PEMT: variants seen among roughly 807,000 people sequenced by gnomAD.
PEMT encodes the protein phospholipid methyltransferase.
A neutral mutation model predicts 27.4 loss-of-function variants in PEMT; 23 were observed. The observed-to-expected ratio is 0.84, with a 90% CI of 0.60 to 1.19. PEMT has a LOEUF of 1.19. Among genes scored for constraint, PEMT ranks in the 50% most tolerant of loss-of-function variants. The probability of loss-of-function intolerance (pLI) is 0.00; values close to 1 mark genes in which losing one functional copy is unlikely to be tolerated. For synonymous variants in PEMT, 137 were observed against 139.1 expected (o/e 0.98, Z 0.11); for missense variants, 307 against 310.1 (o/e 0.99, Z 0.07).
intron 3 of PEMT, among the ~76,000 whole-genome samples, chr17:17,521,288 C>T (rs1016902331): frequency 5.3e-5 from 8 of 152,212 alleles, no homozygotes; most frequent in Non-Finnish European, 8.8e-5. Context: ...CCATGAGCTG[C>T]CGTGCGCAAT....
chr17:17,586,288 G>GAAAGAA (rs1555546133), intron 1 of PEMT, among the ~76,000 whole-genome samples: 22 of 72,054 alleles, frequency 3.1e-4, no homozygotes, highest in Non-Finnish European at 4.8e-4. Flanking sequence ...AAGAAAGAAA[G>GAAAGAA]AAAAAAAAAA....
intron 2 of PEMT, among the ~76,000 whole-genome samples, chr17:17,530,352 G>A (rs958045698): frequency 1.4e-4 from 22 of 152,158 alleles, no homozygotes; most frequent in Non-Finnish European, 1.3e-4. Context: ...AAAATTAGCC[G>A]GGCATGATGG....
chr17:17,524,910 C>T, intron 2 of PEMT, among the ~76,000 whole-genome samples: 1 of 152,186 alleles, frequency 6.6e-6, no homozygotes, highest in Non-Finnish European at 1.5e-5. Flanking sequence ...GAGATCCAGA[C>T]CATCCTGGCT....
intron 3 of PEMT, among the ~76,000 whole-genome samples, chr17:17,520,148 T>TGG (rs1907158411): frequency 6.6e-6 from 1 of 152,066 alleles, no homozygotes; most frequent in Non-Finnish European, 1.5e-5. Context: ...ACCAGCCCCC[T>TGG]CCCTCCTGGC....
chr17:17,518,244 G>A (rs763248046), intron 3 of PEMT: 142 of 812,138 alleles, frequency 1.7e-4, no homozygotes, highest in Non-Finnish European at 1.5e-4. Context: ...CTGCAGCCCA[G>A]TCCTGTGAAG....
At chr17:17,531,620 GCAA>G (rs1432250102) in intron 2 of PEMT, among the ~76,000 whole-genome samples, 8 of 20,490 alleles carry the variant, frequency 3.9e-4, no homozygotes, top group Admixed American at 1.3e-3. Flanking sequence ...GCTATCATAT[GCAA>G]AAAAAAAAAA....
At chr17:17,576,797 G>A (rs1597959377) in intron 2 of PEMT, 123 bp downstream of exon 2, 3 of 759,020 alleles carry the variant, frequency 4.0e-6, no homozygotes, top group South Asian at 3.0e-5. Context: ...ACAGACACGG[G>A]AGGGAAGAGC....
At chr17:17,539,938 G>C (rs1908763785) in intron 2 of PEMT, among the ~76,000 whole-genome samples, 1 of 152,170 alleles carries the variant, frequency 6.6e-6, no homozygotes. Context: ...CAGGTGGCAG[G>C]GAGCTCACAG....
intron 1 of PEMT, among the ~76,000 whole-genome samples, chr17:17,586,666 GAA>G (rs780480210): frequency 1.3e-5 from 2 of 152,304 alleles, no homozygotes; most frequent in East Asian, 3.9e-4. Context: ...TAGTAAGGAA[GAA>G]AAGTCCCAGG....
In PEMT at chr17:17,523,690, A is replaced by T. The variant is rs73294357; in HGVS notation, c.205-1295T>A. 0.11 allele frequency among the ~76,000 whole-genome samples: 16,403 copies of T among 150,500 alleles called. 1,136 individuals are homozygous for T. Among genetic ancestry groups the T allele is most frequent in the African/African-American group, 0.2 (8,171 of 40,842 alleles). ...AAAAGGCGGAAGGAATAAGCGCTGC[A>T]GGGGTGAGGAGGGGGCTGCGGTGAC... On this transcript the variant is annotated intron_variant, in intron 2 of 6. Transcript: ENST00000255389. The surrounding 1 kb of genome is among the most constrained non-coding windows in gnomAD (Gnocchi z 4.8).
intron 2 of PEMT, among the ~76,000 whole-genome samples, chr17:17,552,669 T>A (rs1909744435): frequency 6.6e-6 from 1 of 152,224 alleles, no homozygotes; most frequent in African/African-American, 2.4e-5. Flanking sequence ...CATGGAAATG[T>A]GCTTGATCCA....
chr17:17,576,143 C>G (rs1452337251), intron 2 of PEMT, among the ~76,000 whole-genome samples: 1 of 152,144 alleles, frequency 6.6e-6, no homozygotes, highest in African/African-American at 2.4e-5. Context: ...AAGCACCCCC[C>G]AGAGACAGCC....
At chr17:17,515,952 G>C (rs1906792098) in intron 3 of PEMT, among the ~76,000 whole-genome samples, 1 of 152,170 alleles carries the variant, frequency 6.6e-6, no homozygotes, top group Non-Finnish European at 1.5e-5. Context: ...GTGGAGGTGG[G>C]GAGGGGGCAT....
chr17:17,510,053 G>A (rs1906246720), intron 4 of PEMT, among the ~76,000 whole-genome samples: 1 of 152,134 alleles, frequency 6.6e-6, no homozygotes, highest in African/African-American at 2.4e-5. Context: ...CACACCCCAG[G>A]CTGTGTGGCT....
intron 2 of PEMT, among the ~76,000 whole-genome samples, chr17:17,547,545 G>A (rs1247016468): frequency 6.6e-6 from 1 of 152,224 alleles, no homozygotes; most frequent in African/African-American, 2.4e-5. Context: ...CAGAAAGAAG[G>A]GCCTTCCAGG....
chr17:17,552,783 G>C (rs755111696), intron 2 of PEMT, among the ~76,000 whole-genome samples: 1 of 151,120 alleles, frequency 6.6e-6, no homozygotes, highest in Non-Finnish European at 1.5e-5. Flanking sequence ...ACTGGATCCC[G>C]CACCTGACTT....
At chr17:17,531,621 CAAAAAAAA>C (rs58165466) in intron 2 of PEMT, among the ~76,000 whole-genome samples, 4 of 62,410 alleles carry the variant, frequency 6.4e-5, no homozygotes, top group South Asian at 9.7e-4. Context: ...CTATCATATG[CAAAAAAAA>C]AAAAAAAAAA....
chr17:17,546,271 C>T lies in PEMT; in HGVS notation c.205-23876G>A, dbSNP rs116279342. Among the ~76,000 whole-genome samples, 758 of 152,280 alleles carry T rather than the reference C, an allele frequency of 5.0e-3. 9 individuals are homozygous for T. The highest frequency in any genetic ancestry group is 0.017 in the African/African-American group (718 of 41,548). ...TGTGGAGAAGGGCATGTGTGGGCCA[C>T]GGCATGTCCTGATGCCTGCTGGACA... On this transcript the variant is annotated intron_variant, in intron 2 of 6. Coordinates refer to ENST00000255389, the MANE Select transcript of PEMT (RefSeq NM_148172.3).
chr17:17,519,429 G>T (rs1351316740), intron 3 of PEMT, among the ~76,000 whole-genome samples: 1 of 152,264 alleles, frequency 6.6e-6, no homozygotes, highest in Non-Finnish European at 1.5e-5. Context: ...TGATATGAGA[G>T]GAGGGAAAGC....
Sources: gnomAD v4.1 joint callset for allele counts (sites outside exome capture counted in the v4.1 genomes callset) on GRCh38, gnomAD v4.1.1 for gene constraint, Gnocchi (gnomAD v3.1) non-coding constraint, MANE v1.5 for transcripts, NCBI Gene and HGNC (gene_info 2026-07-23, HGNC 2026-07-21) for gene names.